Variants in IL1RAPL1 observed in about 807,000 individuals in gnomAD.
IL1RAPL1 encodes interleukin 1 receptor accessory protein like 1, also known as interleukin-1 receptor accessory protein-like 1.
Under a neutral mutation model 48.4 loss-of-function variants are expected in IL1RAPL1, and 3 were observed. The observed-to-expected ratio is 0.06, with a 90% CI of 0.03 to 0.16. IL1RAPL1 has a LOEUF of 0.16. Ranked by LOEUF, IL1RAPL1 falls within the 10% of genes least tolerant of loss-of-function variation. The pLI is 1.00. For synonymous variants in IL1RAPL1, 185 were observed against 187.7 expected, an observed-to-expected ratio of 0.99 and a Z score of 0.12; for missense variants, 349 against 530.6, an observed-to-expected ratio of 0.66 and a Z score of 3.36.
intron 1 of IL1RAPL1, among the ~76,000 whole-genome samples, chrX:28,713,750 T>C (rs1470710028): frequency 2.7e-5 from 3 of 111,620 alleles, no homozygotes; most frequent in African/African-American, 9.8e-5. Context: ...TGGAGGACAA[T>C]TGACATATAA....
intron 2 of IL1RAPL1, among the ~76,000 whole-genome samples, chrX:29,226,444 CT>C (rs57929074): frequency 1.2e-3 from 104 of 86,848 alleles, no homozygotes; most frequent in African/African-American, 2.7e-3. Context: ...TTCTTTCTTT[CT>C]TTTTTTTTTT....
intron 5 of IL1RAPL1, among the ~76,000 whole-genome samples, chrX:29,543,108 T>A (rs987634657): frequency 2.9e-4 from 26 of 89,222 alleles, no homozygotes; most frequent in Non-Finnish European, 5.4e-4. Context: ...CATAGCAATC[T>A]GTTCGTTTCT....
chrX:28,964,198 C>A (rs1924862045), intron 2 of IL1RAPL1, among the ~76,000 whole-genome samples: 1 of 111,558 alleles, frequency 9.0e-6, no homozygotes, highest in Non-Finnish European at 1.9e-5. Context: ...GCTTCCACTT[C>A]CATCTGGCAC....
chrX:29,806,064 C>G (rs1351968379), intron 6 of IL1RAPL1, among the ~76,000 whole-genome samples: 2 of 108,778 alleles, frequency 1.8e-5, no homozygotes, highest in Admixed American at 9.9e-5. Flanking sequence ...GAATAGGGAT[C>G]AGAAATACAG....
At chrX:29,440,590 A>T in intron 5 of IL1RAPL1, among the ~76,000 whole-genome samples, 1 of 112,351 alleles carries the variant, frequency 8.9e-6, no homozygotes. Flanking sequence ...AAGAAAAATG[A>T]TAAGCCATAT....
At chrX:29,343,421 G>A (rs1333309142) in intron 3 of IL1RAPL1, among the ~76,000 whole-genome samples, 1 of 111,210 alleles carries the variant, frequency 9.0e-6, no homozygotes, top group East Asian at 2.8e-4. Flanking sequence ...TTTTAGCCCA[G>A]GTATCCCCCT....
chrX:28,955,398 C>T (rs1420161333), intron 2 of IL1RAPL1, among the ~76,000 whole-genome samples: 1 of 110,748 alleles, frequency 9.0e-6, no homozygotes, highest in Non-Finnish European at 1.9e-5. Context: ...GAGTCTTTAC[C>T]TAATAAACTA....
At chrX:29,403,792 T>C (rs1934023388) in intron 5 of IL1RAPL1, among the ~76,000 whole-genome samples, 1 of 112,070 alleles carries the variant, frequency 8.9e-6, no homozygotes, top group African/African-American at 3.2e-5. Flanking sequence ...CCATCTGCCA[T>C]TCTTTTACTG....
At chrX:29,756,881 A>G (rs1928632593) in intron 6 of IL1RAPL1, among the ~76,000 whole-genome samples, 1 of 111,983 alleles carries the variant, frequency 8.9e-6, no homozygotes, top group Non-Finnish European at 1.9e-5. Flanking sequence ...CAGTATGATT[A>G]GTGTCCTTAT....
intron 5 of IL1RAPL1, among the ~76,000 whole-genome samples, chrX:29,509,895 C>G (rs1437985714): frequency 2.7e-5 from 3 of 111,837 alleles, no homozygotes; most frequent in Non-Finnish European, 3.8e-5. Context: ...ATTTGACAGT[C>G]AATCATCATT....
intron 2 of IL1RAPL1, among the ~76,000 whole-genome samples, chrX:29,202,720 G>C (rs769923506): frequency 1.8e-5 from 2 of 111,865 alleles, no homozygotes; most frequent in Non-Finnish European, 3.8e-5. Context: ...AACATGGATG[G>C]AGCTGGAGGC....
At chrX:28,959,065 TAAAGAA>T (rs1924695019) in intron 2 of IL1RAPL1, among the ~76,000 whole-genome samples, 1 of 111,339 alleles carries the variant, frequency 9.0e-6, no homozygotes, top group Admixed American at 9.6e-5. Flanking sequence ...ATTTTAACTA[TAAAGAA>T]ATGTAACATC....
intron 5 of IL1RAPL1, among the ~76,000 whole-genome samples, chrX:29,582,154 A>AT (rs1268257681): frequency 7.2e-5 from 8 of 111,200 alleles, no homozygotes; most frequent in Non-Finnish European, 1.5e-4. Context: ...ACATAGTGGT[A>AT]TCAGTTTTTA....
intron 2 of IL1RAPL1, among the ~76,000 whole-genome samples, chrX:28,868,269 A>T (rs1341543888): frequency 8.9e-6 from 1 of 111,838 alleles, no homozygotes; most frequent in Non-Finnish European, 1.9e-5. Context: ...GTTGGAATCC[A>T]GTTAGTCATT....
At chrX:29,521,298 T>C (rs2147772885) in intron 5 of IL1RAPL1, among the ~76,000 whole-genome samples, 1 of 112,088 alleles carries the variant, frequency 8.9e-6, no homozygotes, top group South Asian at 3.7e-4. Context: ...ACCATAGATC[T>C]GCCTAATTAC....
At chrX:29,728,966 C>T (rs941238070) in intron 6 of IL1RAPL1, among the ~76,000 whole-genome samples, 4 of 111,767 alleles carry the variant, frequency 3.6e-5, no homozygotes, top group Non-Finnish European at 7.5e-5. Flanking sequence ...ACATGGCTGC[C>T]TCAGCATAGT....
chrX:28,917,197 T>C (rs922868448), intron 2 of IL1RAPL1, among the ~76,000 whole-genome samples: 6 of 111,925 alleles, frequency 5.4e-5, no homozygotes, highest in African/African-American at 1.6e-4. Flanking sequence ...TCTTGCTTCT[T>C]GATACAGAAA....
At chrX:29,388,405 A>G (rs1050731276) in intron 3 of IL1RAPL1, among the ~76,000 whole-genome samples, 2 of 111,961 alleles carry the variant, frequency 1.8e-5, no homozygotes, top group Non-Finnish European at 3.8e-5. Flanking sequence ...GTTAAACCAT[A>G]TGACCCAGCA....
At chrX:29,131,745 C>A (rs2147484707) in intron 2 of IL1RAPL1, among the ~76,000 whole-genome samples, 1 of 111,677 alleles carries the variant, frequency 9.0e-6, no homozygotes, top group Non-Finnish European at 1.9e-5. Flanking sequence ...TTCTGATATG[C>A]ACTAAAGTTT....
Sources: gnomAD v4.1 joint callset for allele counts (sites outside exome capture counted in the v4.1 genomes callset) on GRCh38, gnomAD v4.1.1 for gene constraint, MANE v1.5 for transcripts, NCBI Gene and HGNC (gene_info 2026-07-23, HGNC 2026-07-21) for gene names.